ROBO1: variants seen among roughly 807,000 people sequenced by gnomAD.
The protein encoded by ROBO1 is roundabout guidance receptor 1.
ROBO1 carries 149 observed loss-of-function variants against 195.9 expected under a neutral mutation model. That is an observed-to-expected ratio of 0.76 (90% CI 0.67 to 0.87). The LOEUF (loss-of-function observed/expected upper bound fraction) is 0.87. Ranked by LOEUF, ROBO1 falls within the 40% of genes least tolerant of loss-of-function variation. The pLI, the probability that ROBO1 is intolerant of heterozygous loss-of-function variation, is 0.00. For synonymous variants in ROBO1, 816 were observed against 733.2 expected (o/e 1.11, Z -1.82); for missense variants, 1,933 against 2,068.3 (o/e 0.93, Z 1.27).
intron 3 of ROBO1, among the ~76,000 whole-genome samples, chr3:78,996,335 A>C (rs536814086): frequency 0.04 from 590 of 14,782 alleles, 5 homozygotes; most frequent in African/African-American, 0.064. Context: ...AACAAAAAAA[A>C]AAAACAAAAA....
intron 3 of ROBO1, among the ~76,000 whole-genome samples, chr3:78,980,876 G>A (rs2076976284): frequency 6.6e-6 from 1 of 152,124 alleles, no homozygotes; most frequent in Admixed American, 6.6e-5. Context: ...ATAATTATTG[G>A]AAATAACTTG....
At chr3:79,541,800 T>C (rs375488045) in intron 2 of ROBO1, among the ~76,000 whole-genome samples, 1 of 129,624 alleles carries the variant, frequency 7.7e-6, no homozygotes, top group African/African-American at 2.9e-5. Context: ...TATACATATA[T>C]GTGTATATAT....
Position 79,394,678 on chromosome 3 carries a change from A to G in ROBO1, c.88+195146T>C, listed in dbSNP as rs565549601. On this transcript the variant is annotated intron_variant, in intron 2 of 30. Transcript: ENST00000464233. ...GAGAACACAATTTAATAATCTAAAT[A>G]TAGATTCTTCTTAATAGAGTGAATG... Among the ~76,000 whole-genome samples the G allele has an allele frequency of 1.7e-3, 263 of 152,222 alleles. 1 individual carries two copies. The highest frequency in any genetic ancestry group is 5.7e-3 in the African/African-American group (237 of 41,556).
intron 26 of ROBO1, 85 bp from the exon 27 acceptor site, chr3:78,618,126 G>T: frequency 7.2e-7 from 1 of 1,395,846 alleles, no homozygotes; most frequent in South Asian, 1.5e-5. Flanking sequence ...TCACAAGCAT[G>T]CAGATTTGAC....
chr3:79,591,490 G>A (rs1330356455), intron 1 of ROBO1, among the ~76,000 whole-genome samples: 1 of 151,780 alleles, frequency 6.6e-6, no homozygotes, highest in Non-Finnish European at 1.5e-5. Context: ...CTAGAAACTT[G>A]CCTCAAAGAA....
chr3:79,034,565 T>C (rs914323040), intron 3 of ROBO1, among the ~76,000 whole-genome samples: 1 of 152,102 alleles, frequency 6.6e-6, no homozygotes, highest in Non-Finnish European at 1.5e-5. Flanking sequence ...TATGGTGGTA[T>C]TAAAACAACG....
chr3:78,668,260 T>G lies in ROBO1; in HGVS notation c.1673A>C (p.Asn558Thr). Reference sequence around the variant, plus strand: ...TTTTGATGGGGCACTAGGGATTAAATTTGGGTCAGTAGGTCTTGGAGGCTG... The same window carrying G: ...TTTTGATGGGGCACTAGGGATTAAAGTTGGGTCAGTAGGTCTTGGAGGCTG... ...PVQPPRPTDP[N>T]LIPSAPSKPE... Residue 558 changes from asparagine (N) to threonine (T), a missense_variant, in exon 13 of 31, where the codon AAT becomes ACT. Around this residue, in one of 3 missense-constraint regions of ROBO1, gnomAD observed 1,737 missense variants for 1,882.5 expected, o/e 0.92. Coordinates refer to ENST00000464233, the MANE Select transcript of ROBO1 (RefSeq NM_002941.4). The G allele has an allele frequency of 1.2e-6, 2 of 1,613,880 alleles. No individual in the cohort carries two copies.
chr3:79,014,476 A>G (rs1576567149), intron 3 of ROBO1, among the ~76,000 whole-genome samples: 1 of 152,268 alleles, frequency 6.6e-6, no homozygotes, highest in East Asian at 1.9e-4. Flanking sequence ...CCATTTCAAA[A>G]AAAGAAAAAG....
In ROBO1 at chr3:79,090,159, C is replaced by T. The variant is rs369000870; in HGVS notation, c.172+35297G>A. On this transcript the variant is annotated intron_variant, in intron 3 of 30. Coordinates refer to ENST00000464233, the MANE Select transcript of ROBO1 (RefSeq NM_002941.4). ...TTCAGCATATTGGCCAGGCTGGTCT[C>T]GAACTCCTGACCTCGTGATCCACCC... 4.5e-4 allele frequency among the ~76,000 whole-genome samples: 69 copies of T among 151,914 alleles called. 1 individual carries two copies. Among genetic ancestry groups the T allele is most frequent in the African/African-American group, 1.6e-3 (65 of 41,390 alleles).
chr3:79,519,328 A>C (rs1183306770), intron 2 of ROBO1, among the ~76,000 whole-genome samples: 1 of 152,090 alleles, frequency 6.6e-6, no homozygotes, highest in East Asian at 1.9e-4. Flanking sequence ...AGACAGAAAT[A>C]GTTCTCACTA....
intron 3 of ROBO1, among the ~76,000 whole-genome samples, chr3:79,082,227 C>G (rs2079287002): frequency 6.6e-6 from 1 of 152,064 alleles, no homozygotes. Context: ...ACTGTATAAA[C>G]AGCAATCCTA....
chr3:78,991,096 G>A (rs2077226737), intron 3 of ROBO1, among the ~76,000 whole-genome samples: 1 of 152,014 alleles, frequency 6.6e-6, no homozygotes, highest in African/African-American at 2.4e-5. Flanking sequence ...ATTATATTAT[G>A]GATAGGATTA....
intron 4 of ROBO1, among the ~76,000 whole-genome samples, chr3:78,771,658 C>T (rs1300426364): frequency 6.6e-6 from 1 of 151,956 alleles, no homozygotes. Flanking sequence ...GTGTGTGTGG[C>T]TATTGTAAAT....
At chr3:78,628,293 T>C (rs1011459548) in intron 25 of ROBO1, among the ~76,000 whole-genome samples, 3 of 152,218 alleles carry the variant, frequency 2.0e-5, no homozygotes, top group Non-Finnish European at 4.4e-5. Context: ...GAGAAAGATA[T>C]AATGGAGGTC....
chr3:79,701,199 T>G (rs917408801), intron 1 of ROBO1, among the ~76,000 whole-genome samples: 3 of 151,720 alleles, frequency 2.0e-5, no homozygotes, highest in Non-Finnish European at 4.4e-5. Context: ...GTCTTTATAC[T>G]GGTACCATGC....
At chr3:79,086,479 G>A (rs2079372654) in intron 3 of ROBO1, among the ~76,000 whole-genome samples, 2 of 152,226 alleles carry the variant, frequency 1.3e-5, no homozygotes, top group Admixed American at 1.3e-4. Flanking sequence ...AGTAGATTAA[G>A]CTGACCTTAC....
chr3:79,287,487 A>G lies in ROBO1; in HGVS notation c.89-161948T>C, dbSNP rs139978594. 2.5e-3 allele frequency among the ~76,000 whole-genome samples: 385 copies of G among 152,316 alleles called. 5 individuals carry two copies. Among genetic ancestry groups the G allele is most frequent in the African/African-American group, 8.0e-3 (333 of 41,582 alleles). On this transcript the variant is annotated intron_variant, in intron 2 of 30. Transcript: ENST00000464233. ...TAAAAATGCTATCTCAAATATACTG[A>G]AAGTATACACTAGTCATCTGCATTT...
intron 1 of ROBO1, among the ~76,000 whole-genome samples, chr3:79,706,875 A>T (rs28420959): frequency 0.039 from 5,933 of 152,182 alleles, 153 homozygotes; most frequent in Non-Finnish European, 0.059. Flanking sequence ...ATGTTGTATA[A>T]CACTTTTTCT....
intron 2 of ROBO1, among the ~76,000 whole-genome samples, chr3:79,454,444 G>A (rs1431121467): frequency 6.6e-6 from 1 of 151,990 alleles, no homozygotes; most frequent in Non-Finnish European, 1.5e-5. Context: ...GACGTAAACT[G>A]AAGAAAAACA....
Sources: allele counts gnomAD v4.1 joint callset (sites outside exome capture counted in the v4.1 genomes callset), GRCh38; gene constraint gnomAD v4.1.1; regional missense constraint gnomAD v4.1.1; transcripts MANE v1.5; gene names NCBI Gene and HGNC (gene_info 2026-07-23, HGNC 2026-07-21).